Variants in FRMPD1 observed in about 807,000 individuals in gnomAD.
FRMPD1 encodes the protein FERM and PDZ domain containing 1.
In FRMPD1, 76 loss-of-function variants were observed where a neutral mutation model predicts 117.8. The ratio of observed to expected loss-of-function variants is 0.65; its 90% confidence interval spans 0.54 to 0.78. The LOEUF (loss-of-function observed/expected upper bound fraction) is 0.78, where lower values mean the gene tolerates loss of function less well. Ranked by LOEUF, FRMPD1 falls within the 30% of genes least tolerant of loss-of-function variation. FRMPD1 has a pLI of 0.00. For missense variants in FRMPD1, 1,786 were observed against 1,964.5 expected (o/e 0.91, Z 1.72); for synonymous variants, 783 against 770.4 (o/e 1.02, Z -0.27).
rs182291078 is a variant in FRMPD1, at chr9:37,687,175, G to A, written c.-4-5463G>A. The stretch of plus-strand genomic sequence containing the variant: ...TCTTGAGGAAACTCATTCCATGCTG[G>A]GATCTACCAGGAACATGAATTTCTT... On this transcript the variant is annotated intron_variant, in intron 1 of 15. Transcript: ENST00000377765. Among the ~76,000 whole-genome samples, 431 of 152,236 alleles carry A rather than the reference G, an allele frequency of 2.8e-3. 9 individuals carry two copies. The highest frequency in any genetic ancestry group is 4.1e-4 in the Non-Finnish European group (28 of 68,018).
rs766757843 is a variant in FRMPD1, at chr9:37,692,782, CT to C, written c.101+41del. The C allele has an allele frequency of 6.4e-6, 9 of 1,410,496 alleles. No homozygotes were observed. In the East Asian group the frequency reaches 1.8e-4, roughly 29 times the overall value. The allele number at this position is 1,410,496 out of a possible 1,614,324, so 87.4% of individuals were successfully genotyped here. A position where few individuals can be genotyped will look rare whatever the true frequency, so the allele number is the denominator to read the frequency against. On this transcript the variant is annotated intron_variant, in intron 2 of 15. Coordinates refer to ENST00000377765, the MANE Select transcript of FRMPD1 (RefSeq NM_014907.3). ...TTTGCAGATTTCTGTCTATAAAGGT[CT>C]GGTGTCCCGGGGGAGGAGCTTGTGC... is the stretch of plus-strand genomic sequence containing the variant.
chr9:37,685,120 G>C (rs1487003931), intron 1 of FRMPD1, among the ~76,000 whole-genome samples: 1 of 152,156 alleles, frequency 6.6e-6, no homozygotes, highest in East Asian at 1.9e-4. Flanking sequence ...CAGAGAGAAA[G>C]ATAATGAACT....
chr9:37,688,520 T>A (rs888774928), intron 1 of FRMPD1, among the ~76,000 whole-genome samples: 4 of 152,066 alleles, frequency 2.6e-5, no homozygotes, highest in Non-Finnish European at 5.9e-5. Context: ...GAACATATGT[T>A]TATGTCCAAT....
At chr9:37,671,892 G>A (rs554553452) in intron 1 of FRMPD1, among the ~76,000 whole-genome samples, 1 of 152,278 alleles carries the variant, frequency 6.6e-6, no homozygotes, top group East Asian at 1.9e-4. Flanking sequence ...CTTGAACCTG[G>A]GAGGCAGAGG....
intron 15 of FRMPD1, among the ~76,000 whole-genome samples, chr9:37,744,065 T>G (rs1016664866): frequency 1.3e-5 from 2 of 151,938 alleles, no homozygotes; most frequent in African/African-American, 4.8e-5. Flanking sequence ...GGCAGATGCC[T>G]GTAATCTCAG....
chr9:37,649,603 C>T (rs1820603863), upstream of FRMPD1, among the ~76,000 whole-genome samples: 1 of 152,190 alleles, frequency 6.6e-6, no homozygotes, highest in African/African-American at 2.4e-5. Flanking sequence ...GAGCACCTGC[C>T]TTCATCCAGA....
the FRMPD1 span, among the ~76,000 whole-genome samples, chr9:37,614,202 C>G: frequency 6.6e-6 from 1 of 152,106 alleles, no homozygotes; most frequent in Non-Finnish European, 1.5e-5. Context: ...TAGCCCAAGT[C>G]TTGAATCAAA....
chr9:37,622,129 A>C, the FRMPD1 span, among the ~76,000 whole-genome samples: 1 of 152,198 alleles, frequency 6.6e-6, no homozygotes, highest in Non-Finnish European at 1.5e-5. Flanking sequence ...AAGCAGGCAA[A>C]TGCCATGGGA....
In FRMPD1 at chr9:37,692,681, G is replaced by A; in HGVS notation, c.40G>A (p.Ala14Thr). 1 of 1,613,946 alleles carries A rather than the reference G, an allele frequency of 6.2e-7. No homozygotes were observed. Among genetic ancestry groups the A allele is most frequent in the Non-Finnish European group, 8.5e-7 (1 of 1,179,828 alleles). ...LETSLFQTRK[A>T]HRIEQMVARW... ...GACCAGTTTATTCCAGACACGGAAAGCACATAGAATAGAACAAATGGTGGC... is the reference window on the plus strand; with the variant it reads ...GACCAGTTTATTCCAGACACGGAAAACACATAGAATAGAACAAATGGTGGC... Residue 14 changes from alanine (A) to threonine (T), a missense_variant, in exon 2 of 16, where the codon GCA becomes ACA. Transcript: ENST00000377765.
At chr9:37,720,246 A>G (rs1414359322) in intron 6 of FRMPD1, among the ~76,000 whole-genome samples, 3 of 152,232 alleles carry the variant, frequency 2.0e-5, no homozygotes, top group East Asian at 3.8e-4. Flanking sequence ...GCAATATTTG[A>G]GTCATGTTTG....
chr9:37,648,428 G>A (rs1270417815), upstream of FRMPD1, among the ~76,000 whole-genome samples: 1 of 152,148 alleles, frequency 6.6e-6, no homozygotes, highest in Non-Finnish European at 1.5e-5. Context: ...TTTGCTGCAC[G>A]ATCAAGAAGG....
At chr9:37,615,709 T>C in the FRMPD1 span, among the ~76,000 whole-genome samples, 2 of 152,300 alleles carry the variant, frequency 1.3e-5, no homozygotes, top group Admixed American at 1.3e-4. Flanking sequence ...AGAGCAATCT[T>C]ATTTAACATT....
intron 5 of FRMPD1, among the ~76,000 whole-genome samples, chr9:37,716,174 C>T (rs1259760378): frequency 1.3e-5 from 2 of 152,178 alleles, no homozygotes; most frequent in African/African-American, 2.4e-5. Flanking sequence ...TTAACATTTT[C>T]GCAGGCTCAA....
At chr9:37,691,869 T>G (rs1205419963) in intron 1 of FRMPD1, among the ~76,000 whole-genome samples, 1 of 152,034 alleles carries the variant, frequency 6.6e-6, no homozygotes, top group Admixed American at 6.6e-5. Context: ...ATCGTGCCAC[T>G]GCACTCCAGC....
chr9:37,711,407 T>A lies in FRMPD1; in HGVS notation c.408+12T>A. On this transcript the variant is annotated intron_variant, in intron 5 of 15. Coordinates refer to ENST00000377765, the MANE Select transcript of FRMPD1 (RefSeq NM_014907.3). ...TTCGCTGCACGTCGGTAAATCTCTT[T>A]CTATGTCCTGTGTGTTAGTTTCACC... The A allele has an allele frequency of 6.3e-7, 1 of 1,586,480 alleles. No individual in the cohort carries two copies. Among genetic ancestry groups the A allele is most frequent in the South Asian group, 1.1e-5 (1 of 90,514 alleles).
At chr9:37,645,277 T>C in the FRMPD1 span, among the ~76,000 whole-genome samples, 27 of 152,212 alleles carry the variant, frequency 1.8e-4, no homozygotes, top group African/African-American at 6.3e-4. Flanking sequence ...TTGAATATTT[T>C]TTAAAACTTG....
intron 1 of FRMPD1, among the ~76,000 whole-genome samples, chr9:37,673,023 T>G (rs1209433429): frequency 6.6e-6 from 1 of 152,158 alleles, no homozygotes; most frequent in African/African-American, 2.4e-5. Context: ...TCCTCACATT[T>G]CAAAACCAAT....
At chr9:37,710,065 C>T (rs2118169995) in intron 4 of FRMPD1, among the ~76,000 whole-genome samples, 1 of 152,218 alleles carries the variant, frequency 6.6e-6, no homozygotes, top group African/African-American at 2.4e-5. Flanking sequence ...AGGTAAAACA[C>T]AAAGCAAAAC....
chr9:37,703,030 A>G (rs979038547), intron 2 of FRMPD1, among the ~76,000 whole-genome samples: 2 of 152,180 alleles, frequency 1.3e-5, no homozygotes, highest in Non-Finnish European at 2.9e-5. Flanking sequence ...TTTACTAGGC[A>G]TGGGAGACAT....
Sources: allele counts gnomAD v4.1 joint callset (sites outside exome capture counted in the v4.1 genomes callset), GRCh38; gene constraint gnomAD v4.1.1; transcripts MANE v1.5; gene names NCBI Gene and HGNC (gene_info 2026-07-23, HGNC 2026-07-21).